FAF1: variants seen among roughly 807,000 people sequenced by gnomAD.
FAF1 encodes Fas associated factor 1.
In FAF1, 25 loss-of-function variants were observed where a neutral mutation model predicts 92.5. That is an observed-to-expected ratio of 0.27 (90% confidence interval 0.20 to 0.38). The LOEUF (loss-of-function observed/expected upper bound fraction) is 0.38, where lower values mean the gene tolerates loss of function less well. Ranked by LOEUF, FAF1 falls within the 10% of genes least tolerant of loss-of-function variation. The pLI, the probability that FAF1 is intolerant of heterozygous loss-of-function variation, is 1.00. For synonymous variants in FAF1, 234 were observed against 273.2 expected (o/e 0.86, Z 1.42); for missense variants, 636 against 793.3 (o/e 0.80, Z 2.38).
At chr1:50,833,932 G>T (rs181491002) in intron 2 of FAF1, among the ~76,000 whole-genome samples, 1 of 152,240 alleles carries the variant, frequency 6.6e-6, no homozygotes, top group East Asian at 1.9e-4. Flanking sequence ...TCTCTTAACT[G>T]GTCTCTCTGC....
chr1:50,777,925 A>G (rs1437313288), intron 4 of FAF1, among the ~76,000 whole-genome samples: 3 of 152,176 alleles, frequency 2.0e-5, no homozygotes, highest in Non-Finnish European at 2.9e-5. Context: ...AAACAAACAT[A>G]TATCTTCACG....
intron 5 of FAF1, among the ~76,000 whole-genome samples, 185 bp downstream of exon 5, chr1:50,744,499 T>C (rs1659511719): frequency 6.6e-6 from 1 of 152,230 alleles, no homozygotes; most frequent in Non-Finnish European, 1.5e-5. Context: ...TTTACAATTG[T>C]TATTGGTTTA....
intron 13 of FAF1, among the ~76,000 whole-genome samples, chr1:50,560,483 T>C (rs1052645033): frequency 9.9e-5 from 15 of 152,236 alleles, no homozygotes; most frequent in Admixed American, 2.0e-4. Context: ...TACAATGCTA[T>C]GTGTATGTTA....
intron 8 of FAF1, among the ~76,000 whole-genome samples, chr1:50,639,793 G>T (rs2124239504): frequency 6.6e-6 from 1 of 152,002 alleles, no homozygotes; most frequent in East Asian, 1.9e-4. Flanking sequence ...AATTAGCCGG[G>T]CATGGTGGCA....
intron 2 of FAF1, among the ~76,000 whole-genome samples, chr1:50,810,877 C>T (rs564464777): frequency 2.0e-5 from 3 of 152,260 alleles, no homozygotes; most frequent in East Asian, 3.9e-4. Context: ...GGTGAGACCC[C>T]GTCTCTACTG....
intron 17 of FAF1, among the ~76,000 whole-genome samples, chr1:50,485,596 A>C (rs1400579490): frequency 7.6e-6 from 1 of 132,196 alleles, no homozygotes; most frequent in Non-Finnish European, 1.6e-5. Context: ...CAGGAGGCAG[A>C]GGTTGCAGTG....
intron 8 of FAF1, among the ~76,000 whole-genome samples, chr1:50,644,924 T>C (rs1201731126): frequency 6.6e-6 from 1 of 152,234 alleles, no homozygotes. Context: ...CTTCTTCATA[T>C]TTACTGAGCA....
At chr1:50,579,753 C>A (rs530221841) in intron 12 of FAF1, among the ~76,000 whole-genome samples, 1 of 151,880 alleles carries the variant, frequency 6.6e-6, no homozygotes, top group Non-Finnish European at 1.5e-5. Context: ...ACAAAGCAAA[C>A]GCCAGGAGGA....
intron 7 of FAF1, among the ~76,000 whole-genome samples, chr1:50,681,316 G>A (rs939505194): frequency 3.3e-5 from 5 of 151,978 alleles, no homozygotes; most frequent in African/African-American, 1.2e-4. Flanking sequence ...CAAAATGCTG[G>A]GATTACAGGC....
intron 4 of FAF1, among the ~76,000 whole-genome samples, chr1:50,761,610 C>G (rs1163190615): frequency 1.3e-5 from 2 of 152,124 alleles, no homozygotes; most frequent in African/African-American, 4.8e-5. Flanking sequence ...TCAGTAGATG[C>G]AGAAAAAGCC....
chr1:50,643,082 G>A (rs1224104190), intron 8 of FAF1, among the ~76,000 whole-genome samples: 3 of 152,036 alleles, frequency 2.0e-5, no homozygotes, highest in Non-Finnish European at 4.4e-5. Context: ...CGCCCGCCTC[G>A]GCCTCCCAAA....
intron 2 of FAF1, among the ~76,000 whole-genome samples, chr1:50,842,533 C>G (rs1644264271): frequency 6.6e-6 from 1 of 152,018 alleles, no homozygotes; most frequent in Non-Finnish European, 1.5e-5. Context: ...CTACAAAGTC[C>G]TATAAAACCA....
chr1:50,886,078 T>G (rs1236653802), intron 1 of FAF1, among the ~76,000 whole-genome samples: 1 of 152,200 alleles, frequency 6.6e-6, no homozygotes, highest in East Asian at 1.9e-4. Flanking sequence ...TTTTGATCAG[T>G]TCATATTTTA....
intron 2 of FAF1, among the ~76,000 whole-genome samples, chr1:50,844,505 C>T (rs989556404): frequency 6.6e-6 from 1 of 151,364 alleles, no homozygotes; most frequent in African/African-American, 2.4e-5. Context: ...CAAAATATAA[C>T]TGAACAGAAT....
At chr1:50,666,281 C>T (rs1397333702) in intron 7 of FAF1, among the ~76,000 whole-genome samples, 2 of 152,132 alleles carry the variant, frequency 1.3e-5, no homozygotes, top group African/African-American at 4.8e-5. Flanking sequence ...AGGGCCATCA[C>T]AGCTCACTGC....
chr1:50,681,965 C>G (rs1046211401), intron 7 of FAF1, among the ~76,000 whole-genome samples: 10 of 151,968 alleles, frequency 6.6e-5, no homozygotes, highest in Non-Finnish European at 7.4e-5. Flanking sequence ...CCCTGGGTAG[C>G]TGGGACCACA....
intron 5 of FAF1, among the ~76,000 whole-genome samples, chr1:50,739,177 ATT>A (rs903779006): frequency 1.1e-4 from 17 of 151,886 alleles, no homozygotes; most frequent in African/African-American, 3.9e-4. Context: ...ACCTATATAT[ATT>A]GTATGTATAC....
At chr1:50,602,503 C>CT (rs1424715054) in intron 8 of FAF1, among the ~76,000 whole-genome samples, 5,572 of 136,632 alleles carry the variant, frequency 0.041, 157 homozygotes, top group African/African-American at 0.082. Flanking sequence ...TAAAGTATTG[C>CT]TTTTTTTTTT....
chr1:50,833,015 C>CT (rs1242993016), intron 2 of FAF1, among the ~76,000 whole-genome samples: 2 of 152,048 alleles, frequency 1.3e-5, no homozygotes, highest in Admixed American at 1.3e-4. Context: ...CTGTTATGGC[C>CT]TTTTTTTCCC....
Sources: gnomAD v4.1 joint callset for allele counts (sites outside exome capture counted in the v4.1 genomes callset) on GRCh38, gnomAD v4.1.1 for gene constraint, MANE v1.5 for transcripts, NCBI Gene and HGNC (gene_info 2026-07-23, HGNC 2026-07-21) for gene names.